The following SI variants were observed in gnomAD, a reference collection of about 807,000 sequenced individuals.
SI encodes the protein sucrase-isomaltase.
SI carries 235 observed loss-of-function variants against 253.3 expected under a neutral mutation model. The observed-to-expected ratio is 0.93, with a 90% CI of 0.83 to 1.03. The LOEUF (loss-of-function observed/expected upper bound fraction) is 1.03. Among genes scored for constraint, SI ranks in the 50% least tolerant of loss-of-function variants. The pLI is 0.00. For synonymous variants in SI, 819 were observed against 712.0 expected, an observed-to-expected ratio of 1.15 and a Z score of -2.39; for missense variants, 2,442 against 2,211.1, an observed-to-expected ratio of 1.10 and a Z score of -2.09.
At chr3:165,047,788 G>A (rs9290251) in intron 15 of SI, among the ~76,000 whole-genome samples, 6 of 151,688 alleles carry the variant, frequency 4.0e-5, no homozygotes, top group Middle Eastern at 3.4e-3. Flanking sequence ...TATTTATTTC[G>A]ACATTTTCAA....
chr3:165,004,283 CA>C (rs1182943486), intron 37 of SI, among the ~76,000 whole-genome samples: 2 of 151,990 alleles, frequency 1.3e-5, no homozygotes, highest in African/African-American at 4.8e-5. Flanking sequence ...GGCTTTTATC[CA>C]AAAGACAGCC....
At chr3:165,061,963 C>T (rs929794318) in intron 9 of SI, among the ~76,000 whole-genome samples, 5 of 151,934 alleles carry the variant, frequency 3.3e-5, no homozygotes, top group Admixed American at 2.6e-4. Flanking sequence ...TTGGTCTTCT[C>T]ACAACTCAGT....
intron 20 of SI, among the ~76,000 whole-genome samples, chr3:165,038,336 T>G (rs1000176165): frequency 6.6e-6 from 1 of 152,012 alleles, no homozygotes; most frequent in African/African-American, 2.4e-5. Context: ...TAGGAAGGAT[T>G]TTCTTAAAAT....
At chr3:165,044,354 C>A (rs367588720) in intron 16 of SI, among the ~76,000 whole-genome samples, 2 of 151,986 alleles carry the variant, frequency 1.3e-5, no homozygotes, top group East Asian at 1.9e-4. Context: ...ATTGTATAAT[C>A]GGAACTGTTT....
intron 26 of SI, among the ~76,000 whole-genome samples, chr3:165,023,272 G>A (rs966023822): frequency 4.6e-5 from 7 of 151,434 alleles, no homozygotes; most frequent in African/African-American, 7.2e-5. Context: ...ATCCAATTTT[G>A]TTTATTTTAA....
intron 25 of SI, among the ~76,000 whole-genome samples, chr3:165,024,541 T>C (rs1576892584): frequency 6.6e-6 from 1 of 151,166 alleles, no homozygotes; most frequent in East Asian, 1.9e-4. Context: ...ATTGAGATAC[T>C]CTGTTTGACT....
intron 21 of SI, among the ~76,000 whole-genome samples, chr3:165,037,160 A>T (rs1712577726): frequency 6.6e-6 from 1 of 151,938 alleles, no homozygotes; most frequent in Non-Finnish European, 1.5e-5. Flanking sequence ...CAAAACAGTT[A>T]AATTACTAAT....
intron 45 of SI, 105 bp from the exon 46 acceptor site, chr3:164,983,156 T>C: frequency 9.0e-7 from 1 of 1,107,292 alleles, no homozygotes; most frequent in Middle Eastern, 2.5e-4. Context: ...AAGTAGCAAA[T>C]ATTATCAAGA....
At chr3:165,025,924 T>TA (rs946256118) in intron 25 of SI, among the ~76,000 whole-genome samples, 2 of 149,248 alleles carry the variant, frequency 1.3e-5, no homozygotes, top group African/African-American at 4.9e-5. Flanking sequence ...TAAAACATAA[T>TA]AAAAAAACAA....
intron 2 of SI, 48 bp from the exon 3 acceptor site, chr3:165,074,715 T>A (rs1409626988): frequency 6.8e-7 from 1 of 1,469,412 alleles, no homozygotes; most frequent in Non-Finnish European, 9.5e-7. Flanking sequence ...ATTAAATTAA[T>A]TTTCTCAGAA....
In SI at chr3:165,018,057, T is replaced by G; in HGVS notation, c.3433A>C (p.Asn1145His). The G allele has an allele frequency of 6.3e-7, 1 of 1,595,386 alleles. No individual in the cohort carries two copies. The highest frequency in any genetic ancestry group is 1.7e-5 in the Admixed American group (1 of 59,900). Residue 1145 changes from asparagine (N) to histidine (H), a missense_variant, in exon 29 of 48, where the codon AAT becomes CAT. By Grantham distance (68) the Asn-to-His change is moderately conservative. Coordinates refer to ENST00000264382, the MANE Select transcript of SI (RefSeq NM_001041.4). ...TAATAGGGATGAAATCCATAGGAAT[T>G]AAGTTTGTACTGAAATACGAAAAAT... Reference protein sequence around the residue: ...TRDQPPGYKLNSYGFHPYYMA... With the variant: ...TRDQPPGYKLHSYGFHPYYMA...
intron 34 of SI, among the ~76,000 whole-genome samples, chr3:165,012,594 AT>A (rs141223879): frequency 0.17 from 25,706 of 150,436 alleles, 2,862 homozygotes; most frequent in African/African-American, 0.31. Flanking sequence ...ACGCCTGGTT[AT>A]TTTTTTTTGT....
At chr3:164,989,020 G>T (rs1260853451) in intron 44 of SI, among the ~76,000 whole-genome samples, 2 of 151,728 alleles carry the variant, frequency 1.3e-5, no homozygotes, top group Non-Finnish European at 2.9e-5. Flanking sequence ...CACCAGGATG[G>T]CACATGTATA....
In SI at chr3:165,062,386, A is replaced by G; in HGVS notation, c.1005T>C (p.Val335=). 6.4e-7 allele frequency: 1 copy of G among 1,560,486 alleles called. No individual in the cohort carries two copies. Among genetic ancestry groups the G allele is most frequent in the Non-Finnish European group, 8.8e-7 (1 of 1,131,706 alleles). ...TGAAACACACCTGTTGATACTGTTG[A>G]ACTACTTGTTCTGGTGTATCTCCTA... is the stretch of plus-strand genomic sequence containing the variant. ...ILLGDTPEQV[V]QQYQQLVGLP... is the part of the protein sequence containing the mutation. Residue 335 remains valine (V), a synonymous_variant, in exon 9 of 48, where the codon GTT becomes GTC. Coordinates refer to ENST00000264382, the MANE Select transcript of SI (RefSeq NM_001041.4).
chr3:164,984,692 A>T (rs1717354112), intron 45 of SI, among the ~76,000 whole-genome samples: 1 of 152,298 alleles, frequency 6.6e-6, no homozygotes, highest in Non-Finnish European at 1.5e-5. Flanking sequence ...GTTAAAATTT[A>T]CTTAATGTTA....
At chr3:165,057,222 TA>T (rs1713735853) in intron 12 of SI, among the ~76,000 whole-genome samples, 2 of 151,664 alleles carry the variant, frequency 1.3e-5, no homozygotes, top group Admixed American at 1.3e-4. Context: ...AGTCTTTTAA[TA>T]GTAGAATTGA....
At chr3:165,015,288 G>A in intron 32 of SI, 55 bp from the exon 33 acceptor site, 1 of 1,188,344 alleles carries the variant, frequency 8.4e-7, no homozygotes, top group Non-Finnish European at 1.3e-6. Flanking sequence ...GTAACTACTT[G>A]GACAGTGATT....
intron 25 of SI, among the ~76,000 whole-genome samples, chr3:165,024,995 C>A (rs2108190826): frequency 6.6e-6 from 1 of 151,332 alleles, no homozygotes; most frequent in African/African-American, 2.4e-5. Context: ...TTGATCATTT[C>A]TTCCATTCTA....
intron 47 of SI, among the ~76,000 whole-genome samples, chr3:164,980,441 T>A (rs1717126266): frequency 6.6e-6 from 1 of 151,952 alleles, no homozygotes; most frequent in Non-Finnish European, 1.5e-5. Flanking sequence ...ATTATATTGC[T>A]AGAGCAATTA....
Sources: allele counts gnomAD v4.1 joint callset (sites outside exome capture counted in the v4.1 genomes callset), GRCh38; gene constraint gnomAD v4.1.1; transcripts MANE v1.5; gene names NCBI Gene and HGNC (gene_info 2026-07-23, HGNC 2026-07-21).